The following ACTN1 variants were observed in gnomAD, a reference collection of about 807,000 sequenced individuals.
ACTN1 encodes the protein actinin alpha 1.
Under a neutral mutation model 119.6 loss-of-function variants are expected in ACTN1, and 30 were observed. The observed-to-expected ratio is 0.25, with a 90% confidence interval of 0.19 to 0.34. The LOEUF (loss-of-function observed/expected upper bound fraction) is 0.34. Ranked by LOEUF, ACTN1 falls within the 10% of genes least tolerant of loss-of-function variation. ACTN1 has a pLI of 1.00. For missense variants in ACTN1, 764 were observed against 1,223.4 expected (o/e 0.62, Z 5.60); for synonymous variants, 429 against 472.6 (o/e 0.91, Z 1.20).
At chr14:68,977,800 T>TCCG (rs1555361550) in intron 1 of ACTN1, 11 of 346,026 alleles carry the variant, frequency 3.2e-5, no homozygotes, top group Non-Finnish European at 5.2e-5. Flanking sequence ...CGCCATCCTG[T>TCCG]CCCCCCCCCA....
intron 4 of ACTN1, among the ~76,000 whole-genome samples, chr14:68,911,449 T>C (rs1364507868): frequency 6.6e-6 from 1 of 152,206 alleles, no homozygotes; most frequent in South Asian, 2.1e-4. Flanking sequence ...CATTGCTGCA[T>C]CACAGAGTGT....
Position 68,941,777 on chromosome 14 carries a change from C to T in ACTN1, c.106-16105G>A, listed in dbSNP as rs138096162. On this transcript the variant is annotated intron_variant, in intron 1 of 21. Coordinates refer to ENST00000394419, the MANE Select transcript of ACTN1 (RefSeq NM_001130004.2). ...GAATTGCCCTTGTCTACTAAACGGTCCCAGGTAGCATCAAGGGATCATGGG... is the reference window on the plus strand; with the variant it reads ...GAATTGCCCTTGTCTACTAAACGGTTCCAGGTAGCATCAAGGGATCATGGG... Among the ~76,000 whole-genome samples, 410 of 152,212 alleles carry T rather than the reference C, an allele frequency of 2.7e-3. 3 individuals carry two copies. Among genetic ancestry groups the T allele is most frequent in the Non-Finnish European group, 3.6e-3 (243 of 68,012 alleles).
At chr14:68,951,522 C>G (rs899019882) in intron 1 of ACTN1, among the ~76,000 whole-genome samples, 5 of 152,250 alleles carry the variant, frequency 3.3e-5, no homozygotes, top group African/African-American at 1.2e-4. Flanking sequence ...TGCAACCCCA[C>G]AGACTTGGGC....
rs77228261 is a variant in ACTN1, at chr14:68,951,064, C to T, written c.106-25392G>A. On this transcript the variant is annotated intron_variant, in intron 1 of 21. Coordinates refer to ENST00000394419, the MANE Select transcript of ACTN1 (RefSeq NM_001130004.2). The stretch of plus-strand genomic sequence containing the variant: ...TCTCCCAAGAAGCGACGAAGGCAGA[C>T]GAACGGCAGGGCAGCTGGATAGCAC... 4.1e-3 allele frequency among the ~76,000 whole-genome samples: 626 copies of T among 152,334 alleles called. 6 individuals are homozygous for T. The highest frequency in any genetic ancestry group is 0.014 in the African/African-American group (589 of 41,564).
At chr14:68,881,702 C>T (rs530618151) in intron 16 of ACTN1, among the ~76,000 whole-genome samples, 2 of 152,214 alleles carry the variant, frequency 1.3e-5, no homozygotes, top group South Asian at 4.2e-4. Flanking sequence ...GGGCCTCTTT[C>T]CTGATCTGCT....
intron 3 of ACTN1, among the ~76,000 whole-genome samples, chr14:68,919,786 G>A (rs1185639011): frequency 2.0e-5 from 3 of 152,188 alleles, no homozygotes; most frequent in African/African-American, 7.2e-5. Flanking sequence ...TATAAGCTCT[G>A]TAGCAACTAC....
At chr14:68,920,719 G>T (rs974371361) in intron 3 of ACTN1, among the ~76,000 whole-genome samples, 1 of 152,188 alleles carries the variant, frequency 6.6e-6, no homozygotes, top group African/African-American at 2.4e-5. Context: ...CTGGATGGGG[G>T]AGGTGGCATG....
At chr14:68,958,402 C>T (rs1232643649) in intron 1 of ACTN1, among the ~76,000 whole-genome samples, 1 of 152,100 alleles carries the variant, frequency 6.6e-6, no homozygotes, top group Non-Finnish European at 1.5e-5. Context: ...GTGTGTGCAC[C>T]AGGCCACACA....
intron 6 of ACTN1, among the ~76,000 whole-genome samples, chr14:68,905,226 A>G (rs953657446): frequency 1.3e-5 from 2 of 149,260 alleles, no homozygotes; most frequent in African/African-American, 4.9e-5. Context: ...ATTTCATGAA[A>G]TTTGGGGGCT....
At chr14:68,954,863 T>C (rs1262164632) in intron 1 of ACTN1, among the ~76,000 whole-genome samples, 1 of 152,204 alleles carries the variant, frequency 6.6e-6, no homozygotes, top group African/African-American at 2.4e-5. Flanking sequence ...TTTTAAAAAT[T>C]GTTCCTCAGC....
At position 68,882,074 on chromosome 14, in the gene ACTN1, T is replaced by C. The variant is rs2031585625; in HGVS notation, c.1953+384A>G. 6.6e-6 allele frequency among the ~76,000 whole-genome samples: 1 copy of C among 151,566 alleles called. No homozygotes were observed. Among genetic ancestry groups the C allele is most frequent in the African/African-American group, 2.4e-5 (1 of 41,268 alleles). On this transcript the variant is annotated intron_variant, in intron 16 of 21. Coordinates refer to ENST00000394419, the MANE Select transcript of ACTN1 (RefSeq NM_001130004.2). This position sits in a 1 kb window ranked among gnomAD's most constrained non-coding sequence, Gnocchi z 4.5. ...CCTCAGGCTCCCAAGTAGCTGGGAT[T>C]ATAGGCACGCATCATCACACCCGGC...
chr14:68,904,820 C>T, intron 6 of ACTN1, 84 bp from the exon 7 acceptor site: 4 of 1,179,448 alleles, frequency 3.4e-6, no homozygotes, highest in Non-Finnish European at 3.8e-6. Flanking sequence ...GCCACCCAAA[C>T]TGGGGAGCAG....
intron 1 of ACTN1, among the ~76,000 whole-genome samples, chr14:68,929,779 G>C (rs775945782): frequency 6.6e-6 from 1 of 152,128 alleles, no homozygotes; most frequent in African/African-American, 2.4e-5. Context: ...CAGAGGGAGG[G>C]GCCGCAAAAC....
At position 68,936,979 on chromosome 14, in the gene ACTN1, G is replaced by A. The variant is rs191289782; in HGVS notation, c.106-11307C>T. 1,190 of 369,862 alleles carry A rather than the reference G, an allele frequency of 3.2e-3. 5 individuals carry two copies. The highest frequency in any genetic ancestry group is 3.9e-3 in the Non-Finnish European group (751 of 191,234). The allele number at this position is 369,862 out of a possible 1,614,324, so 22.9% of individuals were successfully genotyped here. On this transcript the variant is annotated intron_variant, in intron 1 of 21. Coordinates refer to ENST00000394419, the MANE Select transcript of ACTN1 (RefSeq NM_001130004.2). ...GATTGCTATTGTACTCACCTCTGAT[G>A]TACTCCAGGGTCTTTTGAGAGTTTT... is the stretch of plus-strand genomic sequence containing the variant.
At chr14:68,875,484 A>G (rs2030793979) in intron 21 of ACTN1, among the ~76,000 whole-genome samples, 1 of 152,264 alleles carries the variant, frequency 6.6e-6, no homozygotes, top group African/African-American at 2.4e-5. Context: ...TTTGGGCATC[A>G]CTGCTTCCCA....
chr14:68,879,903 C>T lies in ACTN1; in HGVS notation c.2280+59G>A. 2.5e-6 allele frequency: 4 copies of T among 1,589,870 alleles called. No individual in the cohort carries two copies. The highest frequency in any genetic ancestry group is 1.3e-5 in the African/African-American group (1 of 74,502). On this transcript the variant is annotated intron_variant, in intron 18 of 21. Coordinates refer to ENST00000394419, the MANE Select transcript of ACTN1 (RefSeq NM_001130004.2). This position sits in a 1 kb window ranked among gnomAD's most constrained non-coding sequence, Gnocchi z 4.9. Reference sequence around the variant, plus strand: ...GCCCACGTCCCGGGGAAGTGCCCTCCAGGGCCCTGGGGCAGGGGTTGGGGG... The same window carrying T: ...GCCCACGTCCCGGGGAAGTGCCCTCTAGGGCCCTGGGGCAGGGGTTGGGGG...
intron 1 of ACTN1, among the ~76,000 whole-genome samples, chr14:68,958,958 T>C (rs2036439947): frequency 6.6e-6 from 1 of 152,152 alleles, no homozygotes; most frequent in South Asian, 2.1e-4. Flanking sequence ...ATTTTCATAA[T>C]AAAAAAGCAG....
chr14:68,936,662 G>A, intron 1 of ACTN1: 1 of 625,560 alleles, frequency 1.6e-6, no homozygotes. Context: ...AGAGCCAGTG[G>A]GGAGCCTGGC....
Position 68,874,897 on chromosome 14 carries a change from A to C in ACTN1, c.2707T>G (p.Ser903Ala), listed in dbSNP as rs2030675354. The change falls in exon 22 of 22, where the codon TCC (serine) becomes GCC (alanine). Residue 903 changes from serine to alanine, a missense_variant. Coordinates refer to ENST00000394419, the MANE Select transcript of ACTN1 (RefSeq NM_001130004.2). ...TCGCCGTACAGCGCCGTGGAGAAGG[A>C]CATGTAGTCCAGAGCACCTGGCACG... is the stretch of plus-strand genomic sequence containing the variant. ...DSVPGALDYMSFSTALYGESD... is the reference protein window; with the variant it reads ...DSVPGALDYMAFSTALYGESD... 2 of 1,606,814 alleles carry C rather than the reference A, an allele frequency of 1.2e-6. No individual in the cohort carries two copies. Among genetic ancestry groups the C allele is most frequent in the South Asian group, 2.2e-5 (2 of 90,944 alleles).
Sources: allele counts gnomAD v4.1 joint callset (sites outside exome capture counted in the v4.1 genomes callset), GRCh38; gene constraint gnomAD v4.1.1; non-coding constraint Gnocchi (gnomAD v3.1); transcripts MANE v1.5; gene names NCBI Gene and HGNC (gene_info 2026-07-23, HGNC 2026-07-21).